The following ARHGEF12 variants were observed in gnomAD, a reference collection of about 807,000 sequenced individuals.
The protein encoded by ARHGEF12 is KMT2A/ARHGEF12 fusion protein.
ARHGEF12 carries 66 observed loss-of-function variants against 211.2 expected under a neutral mutation model. The ratio of observed to expected loss-of-function variants is 0.31; its 90% confidence interval spans 0.26 to 0.38. ARHGEF12 has a LOEUF of 0.38. ARHGEF12 is among the 10% of genes least tolerant of loss of function. The pLI, the probability that ARHGEF12 is intolerant of heterozygous loss-of-function variation, is 1.00. For missense variants in ARHGEF12, 1,429 were observed against 1,869.5 expected (o/e 0.76, Z 4.34); for synonymous variants, 592 against 638.4 (o/e 0.93, Z 1.09).
At position 120,478,341 on chromosome 11, in the gene ARHGEF12, C is replaced by T. The variant is rs547540668; in HGVS notation, c.3718C>T (p.His1240Tyr). The T allele has an allele frequency of 6.8e-6, 11 of 1,614,192 alleles. No homozygotes were observed. The South Asian group carries it at 1.2e-4, about 18-fold the overall frequency. Residue 1240 changes from histidine to tyrosine, a missense_variant, in exon 37 of 41, where the codon CAC becomes TAC. Transcript: ENST00000397843. ...EDYQIAIPDS[H>Y]LPVSEERWAL... ...TTATCAAATCGCAATCCCAGATTCA[C>T]ACCTGCCTGTCTCAGAAGAACGGTG...
intron 1 of ARHGEF12, among the ~76,000 whole-genome samples, chr11:120,381,153 C>G (rs1428966286): frequency 6.6e-6 from 1 of 151,972 alleles, no homozygotes; most frequent in Non-Finnish European, 1.5e-5. Flanking sequence ...TTTAGGCCCT[C>G]TCAGGGGACA....
At chr11:120,341,364 T>TTTG (rs1942531971) in intron 1 of ARHGEF12, among the ~76,000 whole-genome samples, 1 of 66,986 alleles carries the variant, frequency 1.5e-5, no homozygotes, top group Non-Finnish European at 2.9e-5. Context: ...AGTGGTTTTT[T>TTTG]TTGTTGTTGC....
chr11:120,432,218 G>A (rs1013599905), intron 11 of ARHGEF12, among the ~76,000 whole-genome samples: 4 of 152,138 alleles, frequency 2.6e-5, no homozygotes, highest in Non-Finnish European at 5.9e-5. Context: ...TGAACCGAGA[G>A]ACCAACTGTT....
At position 120,472,982 on chromosome 11, in the gene ARHGEF12, G is replaced by A. The variant is rs1240108245; in HGVS notation, c.2956-68G>A. The A allele has an allele frequency of 2.7e-6, 4 of 1,462,082 alleles. No homozygotes were observed. In the Admixed American group the frequency reaches 6.8e-5, roughly 25 times the overall value. The allele number at this position is 1,462,082 out of a possible 1,614,324, so 90.6% of individuals were successfully genotyped here. On this transcript the variant is annotated intron_variant, in intron 30 of 40. Coordinates refer to ENST00000397843, the MANE Select transcript of ARHGEF12 (RefSeq NM_015313.3). ...AATGGAGATTTTAAATGCCAAGTTT[G>A]ATTCAGAAATAGAGAGGTCATTAAT...
chr11:120,389,328 A>G (rs1023593886), intron 1 of ARHGEF12, among the ~76,000 whole-genome samples: 1 of 151,858 alleles, frequency 6.6e-6, no homozygotes, highest in African/African-American at 2.4e-5. Context: ...CTAATTTATC[A>G]TTTTTTCTTT....
intron 39 of ARHGEF12, among the ~76,000 whole-genome samples, chr11:120,482,012 G>A (rs1947258961): frequency 6.6e-6 from 1 of 152,148 alleles, no homozygotes; most frequent in South Asian, 2.1e-4. Flanking sequence ...GCCTGCCTCG[G>A]CCTCCCAAAG....
At chr11:120,383,389 A>G (rs1324300145) in intron 1 of ARHGEF12, among the ~76,000 whole-genome samples, 1 of 152,128 alleles carries the variant, frequency 6.6e-6, no homozygotes, top group Non-Finnish European at 1.5e-5. Flanking sequence ...CAAGCACATT[A>G]CATTTATTGT....
At chr11:120,392,865 C>CT (rs1944262174) in intron 1 of ARHGEF12, among the ~76,000 whole-genome samples, 1 of 152,156 alleles carries the variant, frequency 6.6e-6, no homozygotes, top group African/African-American at 2.4e-5. Flanking sequence ...CTTTTATTGG[C>CT]TTTTTTGGAA....
At chr11:120,424,243 T>C in intron 6 of ARHGEF12, 115 bp from the exon 7 acceptor site, 1 of 602,378 alleles carries the variant, frequency 1.7e-6, no homozygotes. Context: ...AATATTTTAA[T>C]GTAATGTGAT....
chr11:120,405,383 G>C (rs1390669616), intron 1 of ARHGEF12, among the ~76,000 whole-genome samples: 1 of 152,102 alleles, frequency 6.6e-6, no homozygotes, highest in Non-Finnish European at 1.5e-5. Flanking sequence ...GCTTCCGGCA[G>C]TATTCATTTA....
intron 4 of ARHGEF12, among the ~76,000 whole-genome samples, chr11:120,419,918 T>C (rs1384221139): frequency 6.6e-6 from 1 of 152,176 alleles, no homozygotes; most frequent in East Asian, 1.9e-4. Flanking sequence ...TTCAAGATCT[T>C]CAGATCTGGT....
intron 1 of ARHGEF12, among the ~76,000 whole-genome samples, chr11:120,396,331 T>G (rs1391531363): frequency 6.6e-6 from 1 of 152,218 alleles, no homozygotes; most frequent in South Asian, 2.1e-4. Context: ...GAGATGGAGC[T>G]TAATCCTCTC....
chr11:120,411,691 G>C (rs1944887201), intron 4 of ARHGEF12: 2 of 141,428 alleles, frequency 1.4e-5, no homozygotes, highest in Admixed American at 7.7e-5. Context: ...CTGGGCTCAA[G>C]TGATCCTCCT....
intron 1 of ARHGEF12, among the ~76,000 whole-genome samples, chr11:120,340,909 T>C (rs1174933994): frequency 1.3e-5 from 2 of 152,242 alleles, no homozygotes; most frequent in Admixed American, 1.3e-4. Context: ...GTTGTAGTCT[T>C]CCTGATTAAT....
At chr11:120,339,408 A>G (rs780991657) in intron 1 of ARHGEF12, among the ~76,000 whole-genome samples, 3 of 152,186 alleles carry the variant, frequency 2.0e-5, no homozygotes, top group Non-Finnish European at 2.9e-5. Flanking sequence ...TTACGAGTAT[A>G]TAATAGTTTC....
rs1470064862 is a variant in ARHGEF12, at chr11:120,485,884, A to G, written c.*807A>G. The G allele has an allele frequency of 1.7e-5, 4 of 232,252 alleles. No individual in the cohort carries two copies. Among genetic ancestry groups the G allele is most frequent in the Non-Finnish European group, 3.4e-5 (4 of 117,256 alleles). 14.4% of individuals were successfully genotyped at this position (232,252 alleles called of 1,614,324 possible). A position where few individuals can be genotyped will look rare whatever the true frequency, so the allele number is the denominator to read the frequency against. ...GTTTTCTTCCATTGTCGTCTTTTCT[A>G]TTGAGGGTTGGGATTTGGGTGGGAG... On this transcript the variant is annotated 3_prime_UTR_variant, in exon 41 of 41. Coordinates refer to ENST00000397843, the MANE Select transcript of ARHGEF12 (RefSeq NM_015313.3).
chr11:120,344,694 G>C (rs1286211969), intron 1 of ARHGEF12, among the ~76,000 whole-genome samples: 1 of 152,134 alleles, frequency 6.6e-6, no homozygotes, highest in Non-Finnish European at 1.5e-5. Context: ...CAGGATAGAT[G>C]GTTATAATGA....
chr11:120,416,772 T>C (rs1238694170), intron 4 of ARHGEF12, among the ~76,000 whole-genome samples: 2 of 152,154 alleles, frequency 1.3e-5, no homozygotes, highest in Non-Finnish European at 2.9e-5. Flanking sequence ...TGCCTCAGCC[T>C]CCTGAGTAGC....
Position 120,477,291 on chromosome 11 carries a change from G to A in ARHGEF12, c.3438G>A (p.Gln1146=). Residue 1146 remains glutamine, a synonymous_variant, in exon 35 of 41, where the codon CAG becomes CAA. Transcript: ENST00000397843. The stretch of plus-strand genomic sequence containing the variant: ...CCACAAAGCCAATTCCATTACCACA[G>A]TCAACACCTGGCGAGTGAGTGTTCC... The part of the protein sequence containing the change: ...EQSTKPIPLP[Q]STPGEGDNDE... 6.2e-7 allele frequency: 1 copy of A among 1,613,982 alleles called. No homozygotes were observed. Among genetic ancestry groups the A allele is most frequent in the Non-Finnish European group, 8.5e-7 (1 of 1,179,996 alleles).
Sources: gnomAD v4.1 joint callset for allele counts (sites outside exome capture counted in the v4.1 genomes callset) on GRCh38, gnomAD v4.1.1 for gene constraint, MANE v1.5 for transcripts, NCBI Gene and HGNC (gene_info 2026-07-23, HGNC 2026-07-21) for gene names.